The following TFAP2D variants were observed in gnomAD, a reference collection of about 807,000 sequenced individuals.
The protein encoded by TFAP2D is transcription factor AP-2 delta, also known as transcription factor AP-2-delta.
In TFAP2D, 9 loss-of-function variants were observed where a neutral mutation model predicts 43.6. The observed-to-expected ratio is 0.21, with a 90% CI of 0.12 to 0.36. The LOEUF (loss-of-function observed/expected upper bound fraction) is 0.36. Ranked by LOEUF, TFAP2D falls within the 10% of genes least tolerant of loss-of-function variation. TFAP2D has a pLI of 1.00. For missense variants in TFAP2D, 513 were observed against 561.4 expected, an observed-to-expected ratio of 0.91 and a Z score of 0.87; for synonymous variants, 256 against 224.9, an observed-to-expected ratio of 1.14 and a Z score of -1.24.
Position 50,719,286 on chromosome 6 carries a change from C to T in TFAP2D, c.598+136C>T, listed in dbSNP as rs1248959428. On this transcript the variant is annotated intron_variant, in intron 3 of 7. Coordinates refer to ENST00000008391, the MANE Select transcript of TFAP2D (RefSeq NM_172238.4). Reference sequence around the variant, plus strand: ...TTATGCTTAGTCAATTATTCTAGTCCAACACTGGCATATCCACATTAAAAA... The same window carrying T: ...TTATGCTTAGTCAATTATTCTAGTCTAACACTGGCATATCCACATTAAAAA... 1.5e-5 allele frequency: 13 copies of T among 883,484 alleles called. No individual in the cohort carries two copies. The Admixed American group carries it at 2.3e-4, about 15-fold the overall frequency. 54.7% of individuals were successfully genotyped at this position (883,484 alleles called of 1,614,324 possible).
intron 7 of TFAP2D, among the ~76,000 whole-genome samples, chr6:50,770,906 T>A (rs1490391987): frequency 6.6e-6 from 1 of 152,080 alleles, no homozygotes; most frequent in East Asian, 1.9e-4. Context: ...ATATATATAT[T>A]ATAACATGGG....
chr6:50,715,072 A>G (rs1169591260), intron 1 of TFAP2D, 44 bp from the exon 2 acceptor site: 3 of 1,583,936 alleles, frequency 1.9e-6, no homozygotes, highest in Non-Finnish European at 2.6e-6. Context: ...AAAATGACAA[A>G]CCTCAAGTTT....
Position 50,715,499 on chromosome 6 carries a change from C to T in TFAP2D, c.423C>T (p.Arg141=). The T allele has an allele frequency of 1.2e-6, 2 of 1,613,562 alleles. No homozygotes were observed. The highest frequency in any genetic ancestry group is 1.7e-6 in the Non-Finnish European group (2 of 1,180,038). The change falls in exon 2 of 8, where the codon CGC becomes CGT. Residue 141 remains arginine (R), a synonymous_variant. Coordinates refer to ENST00000008391, the MANE Select transcript of TFAP2D (RefSeq NM_172238.4). ...RRELGCLDAY[R]RHDLSLMSHG... ...AGCTGGGCTGCCTCGATGCCTACCG[C>T]CGCCATGACCTGTCCCTCATGAGCC... is the stretch of plus-strand genomic sequence containing the variant.
intron 7 of TFAP2D, among the ~76,000 whole-genome samples, chr6:50,759,815 A>G (rs1402383991): frequency 6.6e-6 from 1 of 151,990 alleles, no homozygotes; most frequent in African/African-American, 2.4e-5. Context: ...AGTCACAAGG[A>G]CCCATTCATT....
At chr6:50,749,948 A>C (rs1016277348) in intron 6 of TFAP2D, among the ~76,000 whole-genome samples, 1 of 151,940 alleles carries the variant, frequency 6.6e-6, no homozygotes, top group Non-Finnish European at 1.5e-5. Flanking sequence ...GTGTTCTGCA[A>C]ACATGAATAA....
intron 6 of TFAP2D, among the ~76,000 whole-genome samples, chr6:50,747,506 G>A (rs377106435): frequency 9.2e-5 from 14 of 152,008 alleles, no homozygotes; most frequent in African/African-American, 3.1e-4. Context: ...GTTTTATCAT[G>A]CATATTCAAA....
In TFAP2D at chr6:50,766,654, C is replaced by CTTTTTTTTT; in HGVS notation, c.1140-5974_1140-5966dup. Among the ~76,000 whole-genome samples, 225 of 57,396 alleles carry CTTTTTTTTT rather than the reference C, an allele frequency of 3.9e-3. 43 individuals carry two copies. The highest frequency in any genetic ancestry group is 0.011 in the East Asian group (15 of 1,308). The allele number at this position is 57,396 out of a possible 152,430, so 37.7% of individuals were successfully genotyped here. ...CCTTTTGATACCATGAGATTGCTTT[C>CTTTTTTTTT]TTTTTTTTTTTTTTTTTTTTTTTTT... On this transcript the variant is annotated intron_variant, in intron 7 of 7. Transcript: ENST00000008391.
At chr6:50,729,527 AG>A (rs1397341258) in intron 5 of TFAP2D, among the ~76,000 whole-genome samples, 3 of 152,224 alleles carry the variant, frequency 2.0e-5, no homozygotes, top group Non-Finnish European at 4.4e-5. Flanking sequence ...TAATCTTGGT[AG>A]TAATAGGAAA....
At chr6:50,739,401 T>C (rs1355093111) in intron 5 of TFAP2D, among the ~76,000 whole-genome samples, 3 of 152,204 alleles carry the variant, frequency 2.0e-5, no homozygotes, top group African/African-American at 7.2e-5. Flanking sequence ...GGACATGAAC[T>C]CATCCTTTTT....
chr6:50,768,488 T>C (rs1407775034), intron 7 of TFAP2D, among the ~76,000 whole-genome samples: 1 of 152,020 alleles, frequency 6.6e-6, no homozygotes, highest in African/African-American at 2.4e-5. Context: ...CATGAGCCAC[T>C]GAACCCAGCC....
At chr6:50,753,779 G>A (rs1314834193) in intron 7 of TFAP2D, among the ~76,000 whole-genome samples, 1 of 151,616 alleles carries the variant, frequency 6.6e-6, no homozygotes, top group African/African-American at 2.4e-5. Flanking sequence ...TGAATATTTT[G>A]AATATTAGAA....
intron 5 of TFAP2D, among the ~76,000 whole-genome samples, chr6:50,738,083 A>G (rs934190974): frequency 1.3e-5 from 2 of 152,176 alleles, no homozygotes; most frequent in African/African-American, 2.4e-5. Context: ...ACTCTAAATT[A>G]AACAGGAGGC....
chr6:50,755,578 C>T (rs1036907165), intron 7 of TFAP2D, among the ~76,000 whole-genome samples: 3 of 152,030 alleles, frequency 2.0e-5, no homozygotes, highest in Middle Eastern at 3.4e-3. Context: ...CACAGTTCTA[C>T]GATATTCCGT....
intron 7 of TFAP2D, among the ~76,000 whole-genome samples, chr6:50,751,673 A>G (rs1186412737): frequency 2.0e-5 from 3 of 151,842 alleles, no homozygotes; most frequent in African/African-American, 7.3e-5. Context: ...CCTATTCATG[A>G]GGGTTCTGCC....
intron 5 of TFAP2D, among the ~76,000 whole-genome samples, chr6:50,734,653 A>G (rs937522824): frequency 1.3e-5 from 2 of 152,096 alleles, no homozygotes; most frequent in Non-Finnish European, 1.5e-5. Context: ...TAGCCAGAAA[A>G]TTACCCAGTT....
chr6:50,744,236 CCT>C (rs1220615789), intron 5 of TFAP2D, among the ~76,000 whole-genome samples: 1 of 152,056 alleles, frequency 6.6e-6, no homozygotes, highest in African/African-American at 2.4e-5. Context: ...GTCTGTTGTT[CCT>C]CTCTTTGTGT....
At chr6:50,719,495 A>AAGAAAGAAAGAAAGAAAGAC (rs1554151965) in intron 3 of TFAP2D, among the ~76,000 whole-genome samples, 7 of 132,724 alleles carry the variant, frequency 5.3e-5, no homozygotes, top group African/African-American at 1.9e-4. Context: ...GAAAGAAAGA[A>AAGAAAGAAAGAAAGAAAGAC]AGAAAGAAGT....
intron 3 of TFAP2D, among the ~76,000 whole-genome samples, chr6:50,726,866 G>A (rs1044077143): frequency 7.2e-5 from 11 of 152,096 alleles, no homozygotes; most frequent in Non-Finnish European, 1.2e-4. Context: ...CTTAAAACTC[G>A]GTGAGAATAT....
intron 3 of TFAP2D, among the ~76,000 whole-genome samples, chr6:50,728,553 A>C (rs1463457420): frequency 6.6e-6 from 1 of 152,184 alleles, no homozygotes; most frequent in East Asian, 1.9e-4. Context: ...GATTAATTGA[A>C]GTGTTTCTTA....
Sources: gnomAD v4.1 joint callset for allele counts (sites outside exome capture counted in the v4.1 genomes callset) on GRCh38, gnomAD v4.1.1 for gene constraint, MANE v1.5 for transcripts, NCBI Gene and HGNC (gene_info 2026-07-23, HGNC 2026-07-21) for gene names.